Variants in TRAPPC8 observed in about 807,000 individuals in gnomAD.
The protein encoded by TRAPPC8 is trafficking protein particle complex subunit 8.
In TRAPPC8, 54 loss-of-function variants were observed where a neutral mutation model predicts 174.3. The ratio of observed to expected loss-of-function variants is 0.31; its 90% confidence interval spans 0.25 to 0.39. The LOEUF is 0.39. TRAPPC8 is among the 10% of genes least tolerant of loss of function. The pLI is 1.00. For missense variants in TRAPPC8, 1,531 were observed against 1,699.1 expected (o/e 0.90, Z 1.74); for synonymous variants, 630 against 579.9 (o/e 1.09, Z -1.24).
chr18:31,932,315 T>C (rs2145632115), intron 1 of TRAPPC8, among the ~76,000 whole-genome samples: 1 of 151,594 alleles, frequency 6.6e-6, no homozygotes, highest in Admixed American at 6.6e-5. Flanking sequence ...TAATCCCAGC[T>C]ACTCAGGAGG....
At chr18:31,913,991 C>T (rs2037026411) in intron 4 of TRAPPC8, among the ~76,000 whole-genome samples, 1 of 151,754 alleles carries the variant, frequency 6.6e-6, no homozygotes, top group Non-Finnish European at 1.5e-5. Context: ...CATAGGGAAA[C>T]CCTATCTCTA....
intron 16 of TRAPPC8, 75 bp downstream of exon 16, chr18:31,870,297 G>A: frequency 7.3e-7 from 1 of 1,374,432 alleles, no homozygotes. Context: ...ACTGAACAGA[G>A]TACATTGAAA....
At position 31,860,420 on chromosome 18, in the gene TRAPPC8, G is replaced by GT. The variant is rs146451890; in HGVS notation, c.2746-2439dup. On this transcript the variant is annotated intron_variant, in intron 19 of 28. Transcript: ENST00000283351. Reference sequence around the variant, plus strand: ...AGATTTCTAATCCACATAGCTCATTGTTTGAGTTCAGTATGCTATACACAT... The same window carrying GT: ...AGATTTCTAATCCACATAGCTCATTGTTTTGAGTTCAGTATGCTATACACAT... Among the ~76,000 whole-genome samples the GT allele has an allele frequency of 6.2e-3, 946 of 151,784 alleles. 12 individuals are homozygous for GT. Among genetic ancestry groups the GT allele is most frequent in the African/African-American group, 0.022 (905 of 41,430 alleles).
chr18:31,933,726 G>A (rs746456573), intron 1 of TRAPPC8, among the ~76,000 whole-genome samples: 43 of 151,716 alleles, frequency 2.8e-4, no homozygotes, highest in Admixed American at 2.6e-3. Flanking sequence ...CAAGGCCTGC[G>A]TATATTTTAA....
intron 25 of TRAPPC8, among the ~76,000 whole-genome samples, chr18:31,849,258 G>C (rs1280130020): frequency 1.3e-5 from 2 of 151,896 alleles, no homozygotes; most frequent in African/African-American, 2.4e-5. Context: ...AGAGGTTCAT[G>C]GTGCTATTTT....
intron 12 of TRAPPC8, among the ~76,000 whole-genome samples, chr18:31,877,573 A>C (rs1483852721): frequency 7.4e-6 from 1 of 134,382 alleles, no homozygotes; most frequent in African/African-American, 2.9e-5. Context: ...AGATCGCGCC[A>C]CTGCATTCCA....
chr18:31,871,497 G>A (rs1162295863), intron 14 of TRAPPC8, among the ~76,000 whole-genome samples: 2 of 151,668 alleles, frequency 1.3e-5, no homozygotes, highest in African/African-American at 4.8e-5. Context: ...AAACATCACA[G>A]ATAGAGTCGA....
chr18:31,882,765 T>C (rs940103004), intron 12 of TRAPPC8, among the ~76,000 whole-genome samples: 2 of 151,488 alleles, frequency 1.3e-5, no homozygotes, highest in African/African-American at 4.8e-5. Flanking sequence ...TACAGACGCA[T>C]GCTATCACGC....
At chr18:31,931,809 T>C (rs540568316) in intron 1 of TRAPPC8, among the ~76,000 whole-genome samples, 1 of 152,340 alleles carries the variant, frequency 6.6e-6, no homozygotes, top group South Asian at 2.1e-4. Context: ...AGAAACCAAC[T>C]ACTATCCATA....
intron 16 of TRAPPC8, 51 bp from the exon 17 acceptor site, chr18:31,867,527 T>C: frequency 8.4e-7 from 1 of 1,193,726 alleles, no homozygotes; most frequent in Non-Finnish European, 1.2e-6. Context: ...AAGTATCAGA[T>C]TATTAACACT....
At chr18:31,875,146 A>G (rs2035078844) in intron 12 of TRAPPC8, among the ~76,000 whole-genome samples, 1 of 152,150 alleles carries the variant, frequency 6.6e-6, no homozygotes, top group African/African-American at 2.4e-5. Flanking sequence ...TGATGATGAA[A>G]AAAATGTTCT....
Position 31,916,450 on chromosome 18 carries a change from G to A in TRAPPC8, c.443-4C>T, listed in dbSNP as rs779717409. 6.2e-7 allele frequency: 1 copy of A among 1,604,754 alleles called. No individual in the cohort carries two copies. Among genetic ancestry groups the A allele is most frequent in the Admixed American group, 1.7e-5 (1 of 57,522 alleles). On this transcript the variant is annotated splice_region_variant and splice_polypyrimidine_tract_variant and intron_variant, in intron 3 of 28. Coordinates refer to ENST00000283351, the MANE Select transcript of TRAPPC8 (RefSeq NM_014939.5). ...CTAGATGACGCTACCAACATACCTTGTAAACCATATTATTAAGGTAATTAT... is the reference window on the plus strand; with the variant it reads ...CTAGATGACGCTACCAACATACCTTATAAACCATATTATTAAGGTAATTAT...
intron 12 of TRAPPC8, among the ~76,000 whole-genome samples, chr18:31,877,485 G>A (rs1361366878): frequency 6.6e-6 from 1 of 151,468 alleles, no homozygotes; most frequent in African/African-American, 2.4e-5. Context: ...GGTGGCGGGC[G>A]CCTGTAGTCC....
intron 9 of TRAPPC8, among the ~76,000 whole-genome samples, chr18:31,902,271 C>T (rs1413919765): frequency 1.3e-5 from 2 of 152,220 alleles, no homozygotes; most frequent in East Asian, 3.9e-4. Context: ...GCGGGGGTTG[C>T]ACTGAGCCGA....
At chr18:31,894,214 C>T (rs2036091483) in intron 11 of TRAPPC8, among the ~76,000 whole-genome samples, 1 of 152,140 alleles carries the variant, frequency 6.6e-6, no homozygotes, top group Admixed American at 6.5e-5. Flanking sequence ...CTTGGTCCAG[C>T]TTTATTCTTC....
At chr18:31,894,422 T>C (rs2036100380) in intron 11 of TRAPPC8, among the ~76,000 whole-genome samples, 1 of 152,158 alleles carries the variant, frequency 6.6e-6, no homozygotes, top group African/African-American at 2.4e-5. Context: ...TACAGTGGTG[T>C]ATTTCATACT....
intron 11 of TRAPPC8, among the ~76,000 whole-genome samples, chr18:31,894,599 GA>G (rs754158446): frequency 3.3e-3 from 495 of 148,966 alleles, no homozygotes; most frequent in African/African-American, 0.011. Flanking sequence ...GTATGTACAG[GA>G]AAAAAAAAAT....
intron 11 of TRAPPC8, 25 bp from the exon 12 acceptor site, chr18:31,890,891 A>G (rs778200931): frequency 1.9e-6 from 3 of 1,578,044 alleles, no homozygotes; most frequent in Admixed American, 1.9e-5. Context: ...AAAGAGAAAA[A>G]GGTTAGTTTC....
At chr18:31,831,808 T>G (rs2032387923) in intron 28 of TRAPPC8, among the ~76,000 whole-genome samples, 1 of 152,128 alleles carries the variant, frequency 6.6e-6, no homozygotes, top group African/African-American at 2.4e-5. Flanking sequence ...ATTCAAAAAT[T>G]TCTGAATTCC....
Sources: gnomAD v4.1 joint callset for allele counts (sites outside exome capture counted in the v4.1 genomes callset) on GRCh38, gnomAD v4.1.1 for gene constraint, MANE v1.5 for transcripts, NCBI Gene and HGNC (gene_info 2026-07-23, HGNC 2026-07-21) for gene names.